The following PCDHA3 variants were observed in gnomAD, a reference collection of about 807,000 sequenced individuals.
The protein encoded by PCDHA3 is protocadherin alpha-3.
In PCDHA3, 41 loss-of-function variants were observed where a neutral mutation model predicts 62.2. The ratio of observed to expected loss-of-function variants is 0.66; its 90% CI spans 0.51 to 0.86. The LOEUF (loss-of-function observed/expected upper bound fraction) is 0.86, where lower values mean the gene tolerates loss of function less well. PCDHA3 is among the 40% of genes least tolerant of loss of function. The pLI, the probability that PCDHA3 is intolerant of heterozygous loss-of-function variation, is 0.00. For missense variants in PCDHA3, 1,304 were observed against 1,241.2 expected, an observed-to-expected ratio of 1.05 and a Z score of -0.76; for synonymous variants, 640 against 555.4, an observed-to-expected ratio of 1.15 and a Z score of -2.14.
chr5:140,952,338 C>CA (rs55931446), intron 1 of PCDHA3, among the ~76,000 whole-genome samples: 315 of 135,024 alleles, frequency 2.3e-3, no homozygotes, highest in East Asian at 0.011. Context: ...AACTCCATCT[C>CA]AAAAAAAAAA....
In PCDHA3 at chr5:140,808,372, C is replaced by G. The variant is rs781953754; in HGVS notation, c.2394+4781C>G. The stretch of plus-strand genomic sequence containing the variant: ...GCTCCTTGACGTCCCACGTCCCCTT[C>G]AAGCTGGTGTCCACCTTCAAGAATT... On this transcript the variant is annotated intron_variant, in intron 1 of 3. Coordinates refer to ENST00000522353, the MANE Select transcript of PCDHA3 (RefSeq NM_018906.3). 1.2e-6 allele frequency: 2 copies of G among 1,614,200 alleles called. No individual in the cohort carries two copies. The highest frequency in any genetic ancestry group is 3.3e-5 in the Admixed American group (2 of 60,036).
At chr5:140,913,166 G>C (rs1357125827) in intron 1 of PCDHA3, among the ~76,000 whole-genome samples, 2 of 152,160 alleles carry the variant, frequency 1.3e-5, no homozygotes, top group African/African-American at 4.8e-5. Flanking sequence ...ATTGGTATTA[G>C]TTCTTCTTTA....
At chr5:140,998,903 G>A (rs1465203456) in intron 3 of PCDHA3, among the ~76,000 whole-genome samples, 9 of 152,156 alleles carry the variant, frequency 5.9e-5, no homozygotes, top group African/African-American at 1.7e-4. Flanking sequence ...CAATGCCTCC[G>A]GGAGGTAGCT....
chr5:140,941,193 TTC>T (rs1491512649), intron 1 of PCDHA3, among the ~76,000 whole-genome samples: 2 of 116,638 alleles, frequency 1.7e-5, no homozygotes, highest in Admixed American at 1.7e-4. Flanking sequence ...TTCTTTTTTT[TTC>T]TTTCTTCCTT....
chr5:140,875,351 G>C, intron 1 of PCDHA3: 1 of 1,445,562 alleles, frequency 6.9e-7, no homozygotes, highest in Non-Finnish European at 9.1e-7. Context: ...CATAATGACT[G>C]TGATGCTGGA....
At chr5:140,825,739 G>A (rs1335212262) in intron 1 of PCDHA3, 5 of 152,354 alleles carry the variant, frequency 3.3e-5, no homozygotes, top group Non-Finnish European at 5.9e-5. Context: ...TTATATTGAT[G>A]AGGAGTAACT....
intron 1 of PCDHA3, among the ~76,000 whole-genome samples, chr5:140,942,347 G>T (rs2093273719): frequency 6.6e-6 from 1 of 151,956 alleles, no homozygotes; most frequent in Non-Finnish European, 1.5e-5. Flanking sequence ...GGGAGGCGGA[G>T]GTTGCAGTTA....
At chr5:140,883,876 C>A in intron 1 of PCDHA3, 1 of 1,613,214 alleles carries the variant, frequency 6.2e-7, no homozygotes, top group Non-Finnish European at 8.5e-7. Flanking sequence ...TCCAGGTGAG[C>A]GCGCGCGACT....
At chr5:140,850,951 T>C in intron 1 of PCDHA3, 1 of 1,500,264 alleles carries the variant, frequency 6.7e-7, no homozygotes. Flanking sequence ...TATTATCGAT[T>C]ACTCCCAGGG....
At chr5:140,848,598 G>A (rs2150413954) in intron 1 of PCDHA3, 3 of 1,593,830 alleles carry the variant, frequency 1.9e-6, no homozygotes, top group East Asian at 2.2e-5. Flanking sequence ...CCACTACTCC[G>A]TCCCGGAGGA....
At chr5:140,962,438 GATGGCTTGAATCTCTT>G (rs1298191516) in intron 1 of PCDHA3, among the ~76,000 whole-genome samples, 11 of 152,108 alleles carry the variant, frequency 7.2e-5, no homozygotes, top group East Asian at 5.8e-4. Flanking sequence ...CTTATCCAAA[GATGGCTTGAATCTCTT>G]ATGGCTTGAA....
intron 1 of PCDHA3, chr5:140,823,845 T>G: frequency 6.2e-7 from 1 of 1,613,850 alleles, no homozygotes; most frequent in Non-Finnish European, 8.5e-7. Context: ...GTCCCGAGGC[T>G]GCCCTGGTGG....
At position 140,928,212 on chromosome 5, in the gene PCDHA3, C is replaced by G. The variant is rs1388758279; in HGVS notation, c.2395-50737C>G. The G allele has an allele frequency of 2.5e-6, 4 of 1,614,106 alleles. No individual in the cohort carries two copies. The African/African-American group carries it at 5.3e-5, about 22-fold the overall frequency. On this transcript the variant is annotated intron_variant, in intron 1 of 3. Coordinates refer to ENST00000522353, the MANE Select transcript of PCDHA3 (RefSeq NM_018906.3). Reference sequence around the variant, plus strand: ...CTGTGTCAGTTGCTGATGTGAATGACAATACACCAAACTTTCCTCAACCCC... The same window carrying G: ...CTGTGTCAGTTGCTGATGTGAATGAGAATACACCAAACTTTCCTCAACCCC...
At chr5:140,907,239 C>T (rs1447900433) in intron 1 of PCDHA3, among the ~76,000 whole-genome samples, 1 of 152,200 alleles carries the variant, frequency 6.6e-6, no homozygotes, top group Non-Finnish European at 1.5e-5. Context: ...ACCTAGTTGA[C>T]ATTGTAATTG....
intron 1 of PCDHA3, chr5:140,861,505 A>G: frequency 2.1e-6 from 1 of 482,692 alleles, no homozygotes; most frequent in African/African-American, 2.0e-5. Flanking sequence ...ATAGACCTCG[A>G]GGAGCTGTGT....
chr5:140,997,614 A>T (rs1355709943), intron 3 of PCDHA3, among the ~76,000 whole-genome samples: 2 of 152,148 alleles, frequency 1.3e-5, no homozygotes, highest in African/African-American at 4.8e-5. Context: ...GCATGACTAT[A>T]TAGAGATTTT....
intron 1 of PCDHA3, chr5:140,883,801 C>T (rs782690228): frequency 4.3e-6 from 7 of 1,612,430 alleles, no homozygotes; most frequent in Non-Finnish European, 5.9e-6. Context: ...TGTCGGTGCA[C>T]GCGGAGAGCG....
chr5:140,838,073 ATATAGTGT>A (rs1457215249), intron 1 of PCDHA3, among the ~76,000 whole-genome samples: 9 of 126,836 alleles, frequency 7.1e-5, no homozygotes, highest in Admixed American at 1.7e-4. Context: ...AGTTATATAT[ATATAGTGT>A]GTGTGTGTGT....
chr5:140,951,076 A>G (rs2094545866), intron 1 of PCDHA3, among the ~76,000 whole-genome samples: 1 of 151,566 alleles, frequency 6.6e-6, no homozygotes, highest in Non-Finnish European at 1.5e-5. Flanking sequence ...GCTTTCTTAT[A>G]TTTTCCTTTT....
Sources: gnomAD v4.1 joint callset for allele counts (sites outside exome capture counted in the v4.1 genomes callset) on GRCh38, gnomAD v4.1.1 for gene constraint, MANE v1.5 for transcripts, NCBI Gene and HGNC (gene_info 2026-07-23, HGNC 2026-07-21) for gene names.